TENM3: variants seen among roughly 807,000 people sequenced by gnomAD.
TENM3 encodes teneurin transmembrane protein 3, also known as teneurin-3.
A neutral mutation model predicts 255.1 loss-of-function variants in TENM3; 63 were observed. The observed-to-expected ratio is 0.25, with a 90% CI of 0.20 to 0.30. TENM3 has a LOEUF of 0.30. TENM3 is among the 10% of genes least tolerant of loss of function. The pLI is 1.00. For synonymous variants in TENM3, 1,306 were observed against 1,322.3 expected, an observed-to-expected ratio of 0.99 and a Z score of 0.27; for missense variants, 2,929 against 3,461.1, an observed-to-expected ratio of 0.85 and a Z score of 3.86.
the TENM3 span, among the ~76,000 whole-genome samples, chr4:181,525,878 T>A: frequency 2.6e-5 from 4 of 152,154 alleles, no homozygotes; most frequent in Non-Finnish European, 5.9e-5. Context: ...GGTAATTAAG[T>A]GGTGTGGTGC....
At chr4:181,720,735 A>C in the TENM3 span, among the ~76,000 whole-genome samples, 8 of 152,326 alleles carry the variant, frequency 5.3e-5, 1 homozygote, top group Middle Eastern at 0.01. Flanking sequence ...TTTTTGAAAC[A>C]GCCAAAAGTT....
intron 22 of TENM3, among the ~76,000 whole-genome samples, chr4:182,757,975 T>C: frequency 6.6e-6 from 1 of 152,166 alleles, no homozygotes; most frequent in East Asian, 1.9e-4. Context: ...CTCACAATTT[T>C]ATATATATCC....
At chr4:182,510,618 T>C (rs1215493119) in intron 3 of TENM3, among the ~76,000 whole-genome samples, 1 of 152,214 alleles carries the variant, frequency 6.6e-6, no homozygotes, top group Non-Finnish European at 1.5e-5. Flanking sequence ...GACATTTCCC[T>C]ATTTGTCCTT....
the TENM3 span, among the ~76,000 whole-genome samples, chr4:181,854,018 A>G: frequency 6.6e-6 from 1 of 152,238 alleles, no homozygotes; most frequent in African/African-American, 2.4e-5. Context: ...TGGAAGTATA[A>G]CACAACCAGT....
At chr4:182,247,830 C>A (rs1172162537) in intron 1 of TENM3, among the ~76,000 whole-genome samples, 1 of 152,156 alleles carries the variant, frequency 6.6e-6, no homozygotes, top group African/African-American at 2.4e-5. Context: ...AAATAAAGAA[C>A]TGTGAACATT....
intron 3 of TENM3, among the ~76,000 whole-genome samples, chr4:182,377,550 G>C (rs981048634): frequency 6.6e-6 from 1 of 152,098 alleles, no homozygotes; most frequent in African/African-American, 2.4e-5. Flanking sequence ...CTGACCTCAG[G>C]TGATCCACCC....
At chr4:181,525,368 GC>G in the TENM3 span, among the ~76,000 whole-genome samples, 6 of 138,810 alleles carry the variant, frequency 4.3e-5, no homozygotes, top group Admixed American at 8.1e-5. Flanking sequence ...CTACACTCCA[GC>G]CTGGGCGGTA....
At chr4:181,669,863 T>C in the TENM3 span, among the ~76,000 whole-genome samples, 18 of 152,280 alleles carry the variant, frequency 1.2e-4, no homozygotes, top group Admixed American at 1.0e-3. Flanking sequence ...AGAACTTCGG[T>C]GTGTATCAGC....
chr4:181,844,622 C>T, the TENM3 span, among the ~76,000 whole-genome samples: 6 of 151,376 alleles, frequency 4.0e-5, no homozygotes, highest in Non-Finnish European at 8.8e-5. Flanking sequence ...GAGCTGAGAT[C>T]ACACCACTGC....
intron 2 of TENM3, among the ~76,000 whole-genome samples, chr4:182,344,626 G>T (rs1265029385): frequency 6.6e-6 from 1 of 152,124 alleles, no homozygotes; most frequent in Admixed American, 6.5e-5. Flanking sequence ...TAGAAAGAGA[G>T]TTGTTACTGG....
At chr4:182,537,562 C>T (rs76140282) in intron 3 of TENM3, among the ~76,000 whole-genome samples, 1,990 of 152,304 alleles carry the variant, frequency 0.013, 22 homozygotes, top group Middle Eastern at 0.031. Context: ...TTCTTGGCCT[C>T]TATACTTGCA....
At chr4:182,795,729 C>T (rs973860624) in intron 26 of TENM3, among the ~76,000 whole-genome samples, 1 of 152,196 alleles carries the variant, frequency 6.6e-6, no homozygotes, top group African/African-American at 2.4e-5. Context: ...CCTCTCCTAG[C>T]AACGTGGACT....
At chr4:182,680,804 CTT>C in intron 10 of TENM3, 67 bp downstream of exon 10, 1 of 1,262,470 alleles carries the variant, frequency 7.9e-7, no homozygotes. Flanking sequence ...TATCTGTAAT[CTT>C]TAGTTGGGCA....
chr4:182,780,465 A>G (rs567041217), intron 24 of TENM3, among the ~76,000 whole-genome samples: 4,080 of 105,552 alleles, frequency 0.039, 308 homozygotes, highest in African/African-American at 0.16. Context: ...GTAGCCTTGT[A>G]GTATAGTTTG....
At chr4:182,037,150 A>ATTTTTTTTTTTTTTTTTTTTTTTTT in the TENM3 span, among the ~76,000 whole-genome samples, 2 of 144,680 alleles carry the variant, frequency 1.4e-5, no homozygotes, top group African/African-American at 5.2e-5. Context: ...AACTCCTTTT[A>ATTTTTTTTTTTTTTTTTTTTTTTTT]TTTTTTTTTT....
At chr4:182,298,045 C>T (rs192560327) in intron 1 of TENM3, among the ~76,000 whole-genome samples, 5 of 152,338 alleles carry the variant, frequency 3.3e-5, no homozygotes, top group Admixed American at 2.0e-4. Context: ...TTACGTTGAA[C>T]GTCACCTCCT....
At chr4:181,936,425 A>C in the TENM3 span, among the ~76,000 whole-genome samples, 1 of 152,154 alleles carries the variant, frequency 6.6e-6, no homozygotes, top group Non-Finnish European at 1.5e-5. Flanking sequence ...AGAGTGGCTG[A>C]TAGGTAATAT....
At chr4:181,752,642 T>A in the TENM3 span, among the ~76,000 whole-genome samples, 205 of 152,302 alleles carry the variant, frequency 1.3e-3, 3 homozygotes, top group South Asian at 0.041. Context: ...TATCATTTTA[T>A]TTTTTTGGAG....
chr4:181,698,137 C>T, the TENM3 span, among the ~76,000 whole-genome samples: 1 of 151,176 alleles, frequency 6.6e-6, no homozygotes, highest in Admixed American at 6.6e-5. Flanking sequence ...TTGCTTGAAA[C>T]CGGGAGGCGG....
Sources: allele counts gnomAD v4.1 joint callset (sites outside exome capture counted in the v4.1 genomes callset), GRCh38; gene constraint gnomAD v4.1.1; transcripts MANE v1.5; gene names NCBI Gene and HGNC (gene_info 2026-07-23, HGNC 2026-07-21).